The following MTMR9 variants were observed in gnomAD, a reference collection of about 807,000 sequenced individuals.
MTMR9 encodes the protein myotubularin-related protein 9.
In MTMR9, 39 loss-of-function variants were observed where a neutral mutation model predicts 69.5. The ratio of observed to expected loss-of-function variants is 0.56; its 90% CI spans 0.43 to 0.73. MTMR9 has a LOEUF of 0.73. Ranked by LOEUF, MTMR9 falls within the 30% of genes least tolerant of loss-of-function variation. The pLI is 0.00. For synonymous variants in MTMR9, 354 were observed against 240.8 expected (o/e 1.47, Z -4.35); for missense variants, 900 against 671.2 (o/e 1.34, Z -3.77).
At chr8:11,316,553 A>T in intron 7 of MTMR9, 120 bp from the exon 8 acceptor site, 1 of 587,090 alleles carries the variant, frequency 1.7e-6, no homozygotes, top group Non-Finnish European at 2.9e-6. Context: ...CAGCTACCCT[A>T]ATTATATGAT....
intron 1 of MTMR9, among the ~76,000 whole-genome samples, chr8:11,288,681 A>T (rs555370617): frequency 6.6e-6 from 1 of 152,310 alleles, no homozygotes; most frequent in African/African-American, 2.4e-5. Context: ...GGCTGGAGGG[A>T]TAAGCAGTGG....
intron 6 of MTMR9, among the ~76,000 whole-genome samples, chr8:11,313,964 A>T (rs1469634515): frequency 6.6e-6 from 1 of 152,220 alleles, no homozygotes; most frequent in Non-Finnish European, 1.5e-5. Flanking sequence ...TGGAAAATGC[A>T]GTATCTGTGA....
intron 9 of MTMR9, 69 bp from the exon 10 acceptor site, chr8:11,322,556 C>A (rs1800742529): frequency 1.5e-6 from 2 of 1,301,122 alleles, no homozygotes; most frequent in African/African-American, 3.0e-5. Context: ...TACATCTTAT[C>A]CACAAATGTA....
intron 1 of MTMR9, 108 bp from the exon 2 acceptor site, chr8:11,295,086 A>G (rs1799504169): frequency 3.3e-6 from 2 of 612,892 alleles, no homozygotes; most frequent in Non-Finnish European, 5.5e-6. Flanking sequence ...AGGAGAAGAA[A>G]GTTAATATAG....
At chr8:11,335,901 T>A in the MTMR9 span, among the ~76,000 whole-genome samples, 2 of 152,152 alleles carry the variant, frequency 1.3e-5, no homozygotes, top group Non-Finnish European at 2.9e-5. Flanking sequence ...TATTTCCAAA[T>A]AAGGTTATGT....
chr8:11,286,421 T>C (rs1400941781), intron 1 of MTMR9, among the ~76,000 whole-genome samples: 1 of 151,328 alleles, frequency 6.6e-6, no homozygotes, highest in Non-Finnish European at 1.5e-5. Flanking sequence ...TCCCAGCACT[T>C]TGGGAGGCCA....
At chr8:11,339,253 C>G in the MTMR9 span, among the ~76,000 whole-genome samples, 4,071 of 152,316 alleles carry the variant, frequency 0.027, 188 homozygotes, top group African/African-American at 0.094. Context: ...GATGTTGCAC[C>G]TTTACTAGAA....
In MTMR9 at chr8:11,300,057, AC is replaced by A; in HGVS notation, c.329del (p.Pro110LeufsTer10). On this transcript the variant is annotated frameshift_variant, in exon 3 of 10. Transcript: ENST00000221086. LOFTEE classifies it high-confidence loss of function. ...LSTLDSITLMYPFFYRPMFEV... is the reference protein window; with the variant it reads ...LSTLDSITLMXPFFYRPMFEV... ...ACTCTGGACTCCATCACTCTGATGT[AC>A]CCTTTCTTTTACCGTCCTATGTTTG... The A allele has an allele frequency of 6.2e-7, 1 of 1,613,566 alleles. No individual in the cohort carries two copies. The highest frequency in any genetic ancestry group is 8.5e-7 in the Non-Finnish European group (1 of 1,179,664).
the MTMR9 span, among the ~76,000 whole-genome samples, chr8:11,334,213 A>C: frequency 6.6e-6 from 1 of 152,216 alleles, no homozygotes; most frequent in Non-Finnish European, 1.5e-5. Flanking sequence ...AAATGGACTA[A>C]GACACTGGTA....
chr8:11,331,068 C>A (rs770517642), downstream of MTMR9: 2 of 1,557,356 alleles, frequency 1.3e-6, no homozygotes, highest in Non-Finnish European at 1.7e-6. Flanking sequence ...GGGGCCCAGG[C>A]TCCCTGAGCC....
chr8:11,319,997 A>T, intron 9 of MTMR9, 159 bp downstream of exon 9: 1 of 613,904 alleles, frequency 1.6e-6, no homozygotes, highest in Non-Finnish European at 2.6e-6. Context: ...TTCTCTTTCA[A>T]ATCAGTTATC....
At chr8:11,313,018 A>C (rs749171214) in intron 6 of MTMR9, among the ~76,000 whole-genome samples, 5 of 152,270 alleles carry the variant, frequency 3.3e-5, no homozygotes, top group Non-Finnish European at 7.3e-5. Context: ...ACATGCTGTC[A>C]TGCAGGCTTC....
At chr8:11,331,903 C>G (rs148274794), downstream of MTMR9, 2 of 1,612,044 alleles carry the variant, frequency 1.2e-6, no homozygotes, top group South Asian at 1.1e-5. Flanking sequence ...GCCTTGGTCT[C>G]CTTCACATGT....
intron 8 of MTMR9, chr8:11,317,580 G>A (rs534926406): frequency 2.0e-5 from 3 of 152,148 alleles, no homozygotes; most frequent in Non-Finnish European, 4.4e-5. Context: ...CCTGCTGTGT[G>A]GCCAGTTCCT....
intron 6 of MTMR9, among the ~76,000 whole-genome samples, chr8:11,313,064 T>C (rs191132784): frequency 6.6e-6 from 1 of 152,378 alleles, no homozygotes. Context: ...AGAGTAGATT[T>C]AGTGTAACCC....
At chr8:11,307,064 C>G (rs1186561765) in intron 5 of MTMR9, among the ~76,000 whole-genome samples, 1 of 152,106 alleles carries the variant, frequency 6.6e-6, no homozygotes, top group Non-Finnish European at 1.5e-5. Context: ...GGCTTCCCCT[C>G]TTTTTTATTT....
At chr8:11,308,255 T>C (rs1440810313) in intron 5 of MTMR9, among the ~76,000 whole-genome samples, 1 of 152,232 alleles carries the variant, frequency 6.6e-6, no homozygotes, top group East Asian at 1.9e-4. Flanking sequence ...CTTCTGCATG[T>C]GCATACCCAG....
chr8:11,339,433 C>G, the MTMR9 span, among the ~76,000 whole-genome samples: 15 of 152,226 alleles, frequency 9.9e-5, no homozygotes, highest in Non-Finnish European at 1.5e-5. Context: ...AATCATTTGG[C>G]TATTCTATAG....
Position 11,287,869 on chromosome 8 carries a change from TATA to T in MTMR9, c.182+2803_182+2805del, listed in dbSNP as rs1397043819. ...TTATTATATATGTTATATATTATATTATAATATATAACATATATAATACGTATT... is the reference window on the plus strand; with the variant it reads ...TTATTATATATGTTATATATTATATTATATATAACATATATAATACGTATT... On this transcript the variant is annotated intron_variant, in intron 1 of 9. Coordinates refer to ENST00000221086, the MANE Select transcript of MTMR9 (RefSeq NM_015458.4). Among the ~76,000 whole-genome samples, 14 of 109,822 alleles carry T rather than the reference TATA, an allele frequency of 1.3e-4. 1 individual carries two copies. The Middle Eastern group carries it at 0.016, about 124-fold the overall frequency. The allele number at this position is 109,822 out of a possible 152,430, so 72.0% of individuals were successfully genotyped here. A position where few individuals can be genotyped will look rare whatever the true frequency, so the allele number is the denominator to read the frequency against.
Sources: allele counts gnomAD v4.1 joint callset (sites outside exome capture counted in the v4.1 genomes callset), GRCh38; gene constraint gnomAD v4.1.1; transcripts MANE v1.5; gene names NCBI Gene and HGNC (gene_info 2026-07-23, HGNC 2026-07-21).